The following TENM4 variants were observed in gnomAD, a reference collection of about 807,000 sequenced individuals.
TENM4 encodes teneurin-4.
In TENM4, 82 loss-of-function variants were observed where a neutral mutation model predicts 243.3. The observed-to-expected ratio is 0.34, with a 90% CI of 0.28 to 0.40. The LOEUF (loss-of-function observed/expected upper bound fraction) is 0.40. Among genes scored for constraint, TENM4 ranks in the 10% least tolerant of loss-of-function variants. The pLI is 1.00. For synonymous variants in TENM4, 1,412 were observed against 1,456.3 expected (o/e 0.97, Z 0.69); for missense variants, 3,138 against 3,673.3 (o/e 0.85, Z 3.77).
intron 6 of TENM4, among the ~76,000 whole-genome samples, chr11:78,945,221 C>T (rs888359781): frequency 3.3e-5 from 5 of 152,174 alleles, no homozygotes; most frequent in Non-Finnish European, 7.3e-5. Context: ...CCCATTGGTG[C>T]CATTTTTCCA....
chr11:79,376,380 G>A (rs977071872), intron 1 of TENM4, among the ~76,000 whole-genome samples: 1 of 152,214 alleles, frequency 6.6e-6, no homozygotes, highest in Non-Finnish European at 1.5e-5. Context: ...AACAGGTTCA[G>A]TCTTGATCAC....
At position 78,743,542 on chromosome 11, in the gene TENM4, C is replaced by A. The variant is rs566057331; in HGVS notation, c.2757-4972G>T. On this transcript the variant is annotated intron_variant, in intron 19 of 33. Transcript: ENST00000278550. ...TGTTAGAGAACTTTGAGCTACTTGACCTTGACAGGGATATGGTTAGAGAAC... is the reference window on the plus strand; with the variant it reads ...TGTTAGAGAACTTTGAGCTACTTGAACTTGACAGGGATATGGTTAGAGAAC... Among the ~76,000 whole-genome samples, 15 of 152,240 alleles carry A rather than the reference C, an allele frequency of 9.9e-5. No homozygotes were observed. The South Asian group carries it at 2.5e-3, about 25-fold the overall frequency.
In TENM4 at chr11:79,078,343, T is replaced by C. The variant is rs143919565; in HGVS notation, c.-65-8334A>G. Among the ~76,000 whole-genome samples the C allele has an allele frequency of 2.1e-3, 317 of 152,336 alleles. 5 individuals carry two copies. Among genetic ancestry groups the C allele is most frequent in the Middle Eastern group, 0.017 (5 of 294 alleles). On this transcript the variant is annotated intron_variant, in intron 4 of 33. Transcript: ENST00000278550. ...AATGTGTTCCACAAAATATAAGTCC[T>C]GGGTAGCATCTGTGTGTGTGTGTGT... is the stretch of plus-strand genomic sequence containing the variant.
chr11:79,340,198 A>G (rs955902164), intron 1 of TENM4, among the ~76,000 whole-genome samples: 2 of 152,104 alleles, frequency 1.3e-5, no homozygotes, highest in Non-Finnish European at 1.5e-5. Flanking sequence ...TTGCTGGTCT[A>G]CCTCTCCTGA....
chr11:79,011,260 G>T lies in TENM4; in HGVS notation c.493+53478C>A, dbSNP rs117705143. Among the ~76,000 whole-genome samples the T allele has an allele frequency of 2.3e-3, 346 of 152,334 alleles. 8 individuals are homozygous for T. The East Asian group carries it at 0.03, about 13-fold the overall frequency. On this transcript the variant is annotated intron_variant, in intron 6 of 33. Coordinates refer to ENST00000278550, the MANE Select transcript of TENM4 (RefSeq NM_001098816.3). ...CTTGCTCCCTTATTGGCTGGGCACT[G>T]TTCTGATTCTAGCTCCCTTTTAAGT...
chr11:79,086,248 A>G (rs116228639), intron 4 of TENM4, among the ~76,000 whole-genome samples: 182 of 152,336 alleles, frequency 1.2e-3, no homozygotes, highest in African/African-American at 4.2e-3. Context: ...CAGCTGTCAT[A>G]TAAAGAGGCC....
chr11:79,061,792 T>C (rs142005391), intron 6 of TENM4, among the ~76,000 whole-genome samples: 1 of 152,242 alleles, frequency 6.6e-6, no homozygotes, highest in Non-Finnish European at 1.5e-5. Flanking sequence ...TCCAATCTCA[T>C]TTTGCTTGCT....
chr11:79,407,374 C>T (rs145825955), intron 1 of TENM4, among the ~76,000 whole-genome samples: 1 of 152,246 alleles, frequency 6.6e-6, no homozygotes, highest in African/African-American at 2.4e-5. Flanking sequence ...ACAAGCAAAC[C>T]AATCATGTAA....
chr11:79,142,750 A>G (rs1733259161), intron 4 of TENM4, among the ~76,000 whole-genome samples: 1 of 152,174 alleles, frequency 6.6e-6, no homozygotes, highest in Non-Finnish European at 1.5e-5. Flanking sequence ...GAGCTATAGT[A>G]ACCAAAACAG....
intron 17 of TENM4, among the ~76,000 whole-genome samples, chr11:78,775,239 C>G (rs1856718625): frequency 6.6e-6 from 1 of 152,210 alleles, no homozygotes; most frequent in South Asian, 2.1e-4. Context: ...ATGGAACCCC[C>G]TCTGGGAAGC....
At chr11:78,736,009 T>C (rs1383215503) in intron 20 of TENM4, among the ~76,000 whole-genome samples, 1 of 151,912 alleles carries the variant, frequency 6.6e-6, no homozygotes, top group Non-Finnish European at 1.5e-5. Context: ...AGGAGTACAG[T>C]GGGGCAATCA....
intron 1 of TENM4, among the ~76,000 whole-genome samples, chr11:79,395,503 C>T (rs183475228): frequency 2.4e-4 from 37 of 152,300 alleles, no homozygotes; most frequent in Admixed American, 2.4e-3. Context: ...TGAGGAAATG[C>T]AGCAAGAGGA....
At chr11:79,437,515 C>T (rs1401256879) in intron 1 of TENM4, among the ~76,000 whole-genome samples, 3 of 152,308 alleles carry the variant, frequency 2.0e-5, no homozygotes, top group South Asian at 2.1e-4. Flanking sequence ...GCCCAGGCCC[C>T]GCCCACCCGG....
chr11:79,208,857 G>A (rs960394773), intron 3 of TENM4, among the ~76,000 whole-genome samples: 15 of 152,276 alleles, frequency 9.9e-5, no homozygotes, highest in Middle Eastern at 3.4e-3. Flanking sequence ...GCTTCTCATT[G>A]CTCCTTTCTA....
chr11:79,360,425 A>G (rs1361089679), intron 1 of TENM4, among the ~76,000 whole-genome samples: 2 of 152,234 alleles, frequency 1.3e-5, no homozygotes, highest in African/African-American at 2.4e-5. Context: ...TTCTGTTCAC[A>G]TAGGGAACCT....
intron 16 of TENM4, among the ~76,000 whole-genome samples, chr11:78,782,476 G>T (rs1327726467): frequency 6.6e-6 from 1 of 152,124 alleles, no homozygotes; most frequent in Non-Finnish European, 1.5e-5. Context: ...GGGCGTCTGT[G>T]ATCCCGGCTA....
chr11:78,938,460 A>C (rs1258269825), intron 6 of TENM4, among the ~76,000 whole-genome samples: 1 of 152,076 alleles, frequency 6.6e-6, no homozygotes, highest in African/African-American at 2.4e-5. Context: ...TCCTCCTAGC[A>C]CCTGGCACTA....
chr11:78,900,346 A>C lies in TENM4; in HGVS notation c.749+2922T>G, dbSNP rs932877203. Among the ~76,000 whole-genome samples, 22 of 152,312 alleles carry C rather than the reference A, an allele frequency of 1.4e-4. No homozygotes were observed. In the East Asian group the frequency reaches 3.9e-3, roughly 27 times the overall value. ...TGAGGATAGGGTATGTCTGATCCTA[A>C]AACCGGTGCTTCAAACTCACTATGG... On this transcript the variant is annotated intron_variant, in intron 7 of 33. Transcript: ENST00000278550.
chr11:79,189,449 C>T (rs1173460689), intron 3 of TENM4, among the ~76,000 whole-genome samples: 1 of 152,162 alleles, frequency 6.6e-6, no homozygotes, highest in Non-Finnish European at 1.5e-5. Flanking sequence ...GGGACTGTGT[C>T]CTGTTCTTTT....
Sources: gnomAD v4.1 joint callset for allele counts (sites outside exome capture counted in the v4.1 genomes callset) on GRCh38, gnomAD v4.1.1 for gene constraint, MANE v1.5 for transcripts, NCBI Gene and HGNC (gene_info 2026-07-23, HGNC 2026-07-21) for gene names.